Variants in MEFV observed in about 807,000 individuals in gnomAD.
MEFV encodes MEFV innate immunity regulator, pyrin, also known as pyrin.
In MEFV, 60 loss-of-function variants were observed where a neutral mutation model predicts 62.5. That is an observed-to-expected ratio of 0.96 (90% confidence interval 0.78 to 1.19). MEFV has a LOEUF of 1.19. MEFV is among the 50% of genes most tolerant of loss of function. The pLI, the probability that MEFV is intolerant of heterozygous loss-of-function variation, is 0.00. For missense variants in MEFV, 1,169 were observed against 1,004.5 expected, an observed-to-expected ratio of 1.16 and a Z score of -2.21; for synonymous variants, 500 against 415.2, an observed-to-expected ratio of 1.20 and a Z score of -2.48.
chr16:3,246,236 A>G (rs1958940850), intron 6 of MEFV, among the ~76,000 whole-genome samples: 1 of 152,184 alleles, frequency 6.6e-6, no homozygotes, highest in Non-Finnish European at 1.5e-5. Context: ...TGCACGGGAC[A>G]CAATGCACTC....
Position 3,249,649 on chromosome 16 carries a change from G to T in MEFV, c.1042C>A (p.Arg348Ser). 1.2e-6 allele frequency: 2 copies of T among 1,613,572 alleles called. No individual in the cohort carries two copies. The highest frequency in any genetic ancestry group is 1.7e-6 in the Non-Finnish European group (2 of 1,179,724). ...TGGCACCGGGGGCAGCCAGGTGAGC[G>T]GCTGCCTGAGGCCTGGGGGTGCCCA... ...VSGHPQASGS[R>S]SPGCPRCQDS... Residue 348 changes from arginine to serine, a missense_variant, in exon 3 of 10, where the codon CGC becomes AGC. Transcript: ENST00000219596.
chr16:3,250,816 G>C (rs1192532240), intron 2 of MEFV, among the ~76,000 whole-genome samples: 1 of 151,424 alleles, frequency 6.6e-6, no homozygotes, highest in East Asian at 1.9e-4. Flanking sequence ...ATGAGGTCAG[G>C]AGTTCAAGAC....
At chr16:3,250,996 T>C (rs929294899) in intron 2 of MEFV, among the ~76,000 whole-genome samples, 20 of 136,972 alleles carry the variant, frequency 1.5e-4, no homozygotes, top group East Asian at 1.1e-3. Flanking sequence ...TGCACTCCAG[T>C]CTGGGTGACC....
At position 3,256,492 on chromosome 16, in the gene MEFV, A is replaced by G. The variant is rs761135823; in HGVS notation, c.96T>C (p.Ser32=). ...EKFKFKLQNT[S]VQKEHSRIPR... is the part of the protein sequence containing the mutation. The stretch of plus-strand genomic sequence containing the variant: ...GGATCCTGGAGTGCTCCTTCTGCAC[A>G]CTGGTGTTCTGCAGCTTGAACTTGA... Residue 32 remains serine (S), a synonymous_variant, in exon 1 of 10, where the codon AGT becomes AGC. Transcript: ENST00000219596. 5.6e-6 allele frequency: 9 copies of G among 1,614,022 alleles called. No individual in the cohort carries two copies. In the African/African-American group the frequency reaches 9.3e-5, roughly 17 times the overall value.
chr16:3,255,470 T>G (rs1959103449), intron 1 of MEFV, among the ~76,000 whole-genome samples: 1 of 151,974 alleles, frequency 6.6e-6, no homozygotes, highest in South Asian at 2.1e-4. Context: ...CTCAGCTCAC[T>G]GCAACCTCTG....
At chr16:3,255,678 A>T (rs1371541612) in intron 1 of MEFV, among the ~76,000 whole-genome samples, 1 of 152,086 alleles carries the variant, frequency 6.6e-6, no homozygotes, top group East Asian at 2.0e-4. Flanking sequence ...AAGTGCTGAG[A>T]TTATTTATAA....
Position 3,244,569 on chromosome 16 carries a change from G to C in MEFV, c.1630C>G (p.Pro544Ala). The change falls in exon 7 of 10, where the codon CCT becomes GCT. Residue 544 changes from proline (P) to alanine (A), a missense_variant. Pro to Ala is a conservative substitution (Grantham distance 27). Transcript: ENST00000219596. ...ILHRAKTVPV[P>A]EKWTTPQEIK... ...TCTTGAGGAGTGGTCCACTTTTCAG[G>C]GACAGGCACTGTCTTAGCCCTAGAG... 6.2e-7 allele frequency: 1 copy of C among 1,613,930 alleles called. No homozygotes were observed. The highest frequency in any genetic ancestry group is 1.1e-5 in the South Asian group (1 of 91,074).
chr16:3,247,134 A>G lies in MEFV; in HGVS notation c.1469T>C (p.Met490Thr), dbSNP rs2141669073. The G allele has an allele frequency of 6.2e-7, 1 of 1,614,136 alleles. No individual in the cohort carries two copies. The highest frequency in any genetic ancestry group is 8.5e-7 in the Non-Finnish European group (1 of 1,180,024). Residue 490 changes from methionine (M) to threonine (T), a missense_variant, in exon 5 of 10, where the codon ATG (methionine) becomes ACG (threonine). By Grantham distance (81) the Met-to-Thr change is moderately conservative (BLOSUM62 -1). Coordinates refer to ENST00000219596, the MANE Select transcript of MEFV (RefSeq NM_000243.3). Reference sequence around the variant, plus strand: ...ATATGCCTTCCTGATCTGCCCAACCATCTGGCCCACGTCCTCCAGTGAGGC... The same window carrying G: ...ATATGCCTTCCTGATCTGCCCAACCGTCTGGCCCACGTCCTCCAGTGAGGC... ...FVASLEDVGQ[M>T]VGQIRKAYDT...
rs1320442754 is a variant in MEFV, at chr16:3,254,508, C to T, written c.560G>A (p.Ser187Asn). 1.3e-6 allele frequency: 2 copies of T among 1,564,930 alleles called. No homozygotes were observed. The highest frequency in any genetic ancestry group is 1.7e-6 in the Non-Finnish European group (2 of 1,158,936). ...TRSPALPGGR[S>N]PGPCRALEGG... ...CTCTAGCGCCCTGCAGGGGCCGGGG[C>T]TTCTCCCGCCCGGCAGGGCCGGGCT... The change falls in exon 2 of 10, where the codon AGC becomes AAC. Residue 187 changes from serine to asparagine, a missense_variant. Transcript: ENST00000219596.
rs170387 is a variant in MEFV at position 3,242,398 on chromosome 16, A to G, written c.*743T>C. 0.63 allele frequency: 91,183 copies of G among 144,492 alleles called. 28,486 individuals are homozygous for G. Among genetic ancestry groups the G allele is most frequent in the South Asian group, 0.75 (3,838 of 5,088 alleles). 9.0% of individuals were successfully genotyped at this position (144,492 alleles called of 1,614,324 possible). A position where few individuals can be genotyped will look rare whatever the true frequency, so the allele number is the denominator to read the frequency against. On this transcript the variant is annotated 3_prime_UTR_variant, in exon 10 of 10. Coordinates refer to ENST00000219596, the MANE Select transcript of MEFV (RefSeq NM_000243.3). The stretch of plus-strand genomic sequence containing the variant: ...AAAAAAAGAATCATAGGCCGGGCAC[A>G]GTGGCTCATGCCTGTAATCCCAGCA...
rs2141669286 is a variant in MEFV at position 3,247,255 on chromosome 16, C to A, written c.1357-9G>T. 6.2e-7 allele frequency: 1 copy of A among 1,613,672 alleles called. No individual in the cohort carries two copies. The highest frequency in any genetic ancestry group is 1.7e-5 in the Admixed American group (1 of 60,016). On this transcript the variant is annotated splice_polypyrimidine_tract_variant and intron_variant, in intron 4 of 9. Transcript: ENST00000219596. ...AGCGCTTCAGTTTGTTTCTGGGGAG[C>A]AGAGGACAGGGAGGTATGGGGGTCT... is the stretch of plus-strand genomic sequence containing the variant.
chr16:3,254,506 G>T lies in MEFV; in HGVS notation c.562C>A (p.Pro188Thr). Reference sequence around the variant, plus strand: ...CCCTCTAGCGCCCTGCAGGGGCCGGGGCTTCTCCCGCCCGGCAGGGCCGGG... The same window carrying T: ...CCCTCTAGCGCCCTGCAGGGGCCGGTGCTTCTCCCGCCCGGCAGGGCCGGG... ...RSPALPGGRS[P>T]GPCRALEGGQ... Residue 188 changes from proline to threonine, a missense_variant, in exon 2 of 10, where the codon CCC (proline) becomes ACC (threonine). Transcript: ENST00000219596. 6.4e-7 allele frequency: 1 copy of T among 1,566,678 alleles called. No homozygotes were observed.
chr16:3,251,002 T>C (rs1437966178), intron 2 of MEFV, among the ~76,000 whole-genome samples: 6 of 125,914 alleles, frequency 4.8e-5, no homozygotes, highest in African/African-American at 1.3e-4. Flanking sequence ...CCAGTCTGGG[T>C]GACCAAGAGA....
chr16:3,243,016 C>T lies in MEFV; in HGVS notation c.*125G>A. 8.9e-7 allele frequency: 1 copy of T among 1,118,738 alleles called. No homozygotes were observed. The highest frequency in any genetic ancestry group is 1.3e-6 in the Non-Finnish European group (1 of 758,926). The allele number at this position is 1,118,738 out of a possible 1,614,324, so 69.3% of individuals were successfully genotyped here. ...TATAATCGGGTAGGCTCCGTGGGCA[C>T]AGTAACTATTTTGTTATTTTTGCAT... is the stretch of plus-strand genomic sequence containing the variant. On this transcript the variant is annotated 3_prime_UTR_variant, in exon 10 of 10. Coordinates refer to ENST00000219596, the MANE Select transcript of MEFV (RefSeq NM_000243.3).
In MEFV at chr16:3,256,323, C is replaced by T. The variant is rs104895124; in HGVS notation, c.265G>A (p.Ala89Thr). Residue 89 changes from alanine (A) to threonine (T), a missense_variant, in exon 1 of 10, where the codon GCA (alanine) becomes ACA (threonine). Coordinates refer to ENST00000219596, the MANE Select transcript of MEFV (RefSeq NM_000243.3). ...TGGGCCCGCTTACCCTGAATGGCTGCCCTGTGGAGCTCCTCGGCCAGCAGG... is the reference window on the plus strand; with the variant it reads ...TGGGCCCGCTTACCCTGAATGGCTGTCCTGTGGAGCTCCTCGGCCAGCAGG... ...QRLLAEELHR[A>T]AIQEYSTQEN... is the part of the protein sequence containing the mutation. 1.1e-5 allele frequency: 17 copies of T among 1,613,698 alleles called. No homozygotes were observed. Among genetic ancestry groups the T allele is most frequent in the Admixed American group, 1.0e-4 (6 of 59,998 alleles).
At chr16:3,245,984 A>G (rs1958937169) in intron 6 of MEFV, among the ~76,000 whole-genome samples, 1 of 152,250 alleles carries the variant, frequency 6.6e-6, no homozygotes, top group African/African-American at 2.4e-5. Flanking sequence ...TCAGCCATAA[A>G]AAGAAAATAA....
chr16:3,242,973 T>C lies in MEFV; in HGVS notation c.*168A>G, dbSNP rs1484400675. ...TCACCCGGATTGACTAACATGTTCGTTCCTAACTTACCTCTGCTATAATCG... is the reference window on the plus strand; with the variant it reads ...TCACCCGGATTGACTAACATGTTCGCTCCTAACTTACCTCTGCTATAATCG... On this transcript the variant is annotated 3_prime_UTR_variant, in exon 10 of 10. Transcript: ENST00000219596. 1 of 723,924 alleles carries C rather than the reference T, an allele frequency of 1.4e-6. No individual in the cohort carries two copies. The highest frequency in any genetic ancestry group is 1.7e-5 in the African/African-American group (1 of 57,624). The allele number at this position is 723,924 out of a possible 1,614,324, so 44.8% of individuals were successfully genotyped here. A position where few individuals can be genotyped will look rare whatever the true frequency, so the allele number is the denominator to read the frequency against.
chr16:3,255,063 T>C (rs1003619678), intron 1 of MEFV, among the ~76,000 whole-genome samples: 2 of 152,158 alleles, frequency 1.3e-5, no homozygotes, highest in African/African-American at 4.8e-5. Context: ...ATGCCTGTAA[T>C]CCCAGCTTCT....
rs1357681354 is a variant in MEFV, at chr16:3,254,569, C to G, written c.499G>C (p.Glu167Gln). Residue 167 changes from glutamate to glutamine, a missense_variant, in exon 2 of 10, where the codon GAG (glutamate) becomes CAG (glutamine). Glu to Gln is a conservative substitution (Grantham distance 29). Transcript: ENST00000219596. Reference sequence around the variant, plus strand: ...GGCTTGCCCTGCGCGTCCAGGCCCTCCGAGGCCTTCTCTCTGCGTTTGCTC... The same window carrying G: ...GGCTTGCCCTGCGCGTCCAGGCCCTGCGAGGCCTTCTCTCTGCGTTTGCTC... ...PLSKRREKASEGLDAQGKPRT... is the reference protein window; with the variant it reads ...PLSKRREKASQGLDAQGKPRT... 1 of 1,573,696 alleles carries G rather than the reference C, an allele frequency of 6.4e-7. No homozygotes were observed. Among genetic ancestry groups the G allele is most frequent in the Non-Finnish European group, 8.6e-7 (1 of 1,163,608 alleles).
Sources: gnomAD v4.1 joint callset for allele counts (sites outside exome capture counted in the v4.1 genomes callset) on GRCh38, gnomAD v4.1.1 for gene constraint, MANE v1.5 for transcripts, NCBI Gene and HGNC (gene_info 2026-07-23, HGNC 2026-07-21) for gene names.